Variants in SCTR observed in about 807,000 individuals in gnomAD.
SCTR encodes secretin receptor.
In SCTR, 56 loss-of-function variants were observed where a neutral mutation model predicts 60.8. The observed-to-expected ratio is 0.92, with a 90% CI of 0.74 to 1.15. The LOEUF (loss-of-function observed/expected upper bound fraction) is 1.15, where lower values mean the gene tolerates loss of function less well. Ranked by LOEUF, SCTR falls within the 50% of genes most tolerant of loss-of-function variation. SCTR has a pLI of 0.00. For synonymous variants in SCTR, 202 were observed against 217.0 expected, an observed-to-expected ratio of 0.93 and a Z score of 0.61; for missense variants, 562 against 550.4, an observed-to-expected ratio of 1.02 and a Z score of -0.21.
chr2:119,522,256 A>T (rs1196626969), intron 1 of SCTR, among the ~76,000 whole-genome samples: 1 of 152,100 alleles, frequency 6.6e-6, no homozygotes, highest in African/African-American at 2.4e-5. Context: ...AGATCGCGCC[A>T]CTGCGCTCCA....
chr2:119,503,727 C>T (rs1573914079), intron 1 of SCTR, among the ~76,000 whole-genome samples: 1 of 152,056 alleles, frequency 6.6e-6, no homozygotes, highest in Non-Finnish European at 1.5e-5. Flanking sequence ...ATAGCGGATA[C>T]ATGTCATTAT....
intron 6 of SCTR, among the ~76,000 whole-genome samples, chr2:119,462,275 G>T (rs1200891169): frequency 6.6e-6 from 1 of 152,202 alleles, no homozygotes; most frequent in Non-Finnish European, 1.5e-5. Context: ...AGCACTGGCT[G>T]CCAGGCTAGA....
chr2:119,470,455 A>G (rs931473639), intron 4 of SCTR, among the ~76,000 whole-genome samples: 31 of 152,158 alleles, frequency 2.0e-4, no homozygotes, highest in African/African-American at 7.5e-4. Context: ...AACCCTTCCA[A>G]TCTCAGAGCT....
chr2:119,494,207 T>C (rs1480807966), intron 2 of SCTR, among the ~76,000 whole-genome samples: 1 of 152,214 alleles, frequency 6.6e-6, no homozygotes, highest in African/African-American at 2.4e-5. Context: ...CTATGTTTAC[T>C]TGCCCAGAGA....
intron 2 of SCTR, among the ~76,000 whole-genome samples, chr2:119,482,600 G>A (rs754844493): frequency 3.9e-5 from 6 of 152,208 alleles, no homozygotes; most frequent in Non-Finnish European, 8.8e-5. Flanking sequence ...AGGAGGAGCC[G>A]GAGCTTCTCT....
intron 12 of SCTR, 60 bp downstream of exon 12, chr2:119,441,498 G>C: frequency 7.1e-7 from 1 of 1,406,856 alleles, no homozygotes; most frequent in African/African-American, 1.4e-5. Context: ...AGCTCCTTCT[G>C]ACCCGGAAAC....
intron 2 of SCTR, among the ~76,000 whole-genome samples, chr2:119,491,029 G>A (rs936754829): frequency 7.2e-5 from 11 of 152,060 alleles, no homozygotes; most frequent in East Asian, 1.9e-4. Flanking sequence ...TCCCTGTCTC[G>A]GTTCCCAGTC....
intron 1 of SCTR, among the ~76,000 whole-genome samples, chr2:119,498,682 G>A (rs2587674): frequency 0.86 from 130,351 of 152,036 alleles, 55,971 homozygotes; most frequent in African/African-American, 0.9. Context: ...AGTTATGTAT[G>A]TATAATGGAA....
At chr2:119,520,807 A>C (rs780970304) in intron 1 of SCTR, among the ~76,000 whole-genome samples, 1 of 152,166 alleles carries the variant, frequency 6.6e-6, no homozygotes, top group African/African-American at 2.4e-5. Context: ...TCTGACTCAG[A>C]TGCCGTATCA....
intron 9 of SCTR, among the ~76,000 whole-genome samples, chr2:119,449,104 G>T (rs1683044269): frequency 6.6e-6 from 1 of 152,262 alleles, no homozygotes; most frequent in Non-Finnish European, 1.5e-5. Flanking sequence ...GGTTTGGGGT[G>T]GACCTGAGAT....
chr2:119,466,289 C>T (rs1300852707), intron 4 of SCTR, among the ~76,000 whole-genome samples: 3 of 152,104 alleles, frequency 2.0e-5, no homozygotes, highest in African/African-American at 7.2e-5. Flanking sequence ...TTACTTGCAC[C>T]ACCTATTGGT....
intron 4 of SCTR, among the ~76,000 whole-genome samples, chr2:119,468,080 G>A (rs1683912459): frequency 6.6e-6 from 1 of 152,104 alleles, no homozygotes; most frequent in South Asian, 2.1e-4. Context: ...TACATACAGA[G>A]AGACAAGATT....
chr2:119,491,446 A>C (rs1240069910), intron 2 of SCTR, among the ~76,000 whole-genome samples: 1 of 152,102 alleles, frequency 6.6e-6, no homozygotes, highest in African/African-American at 2.4e-5. Flanking sequence ...CTGATTAGAC[A>C]CTCAGGCAGA....
At position 119,466,309 on chromosome 2, in the gene SCTR, G is replaced by A. The variant is rs538009297; in HGVS notation, c.406-423C>T. 6.6e-5 allele frequency among the ~76,000 whole-genome samples: 10 copies of A among 152,258 alleles called. No individual in the cohort carries two copies. The East Asian group carries it at 1.5e-3, about 24-fold the overall frequency. Reference sequence around the variant, plus strand: ...TGCACCACCTATTGGTCCATTTTCTGTCTTCTGGATCCACTTAAAATGGAT... The same window carrying A: ...TGCACCACCTATTGGTCCATTTTCTATCTTCTGGATCCACTTAAAATGGAT... On this transcript the variant is annotated intron_variant, in intron 4 of 12. Coordinates refer to ENST00000019103, the MANE Select transcript of SCTR (RefSeq NM_002980.3).
intron 1 of SCTR, among the ~76,000 whole-genome samples, chr2:119,500,709 T>C (rs1160262255): frequency 6.6e-6 from 1 of 152,176 alleles, no homozygotes; most frequent in Non-Finnish European, 1.5e-5. Context: ...GATGGGTGGT[T>C]ACCAGAGGCT....
At chr2:119,473,330 A>T in intron 4 of SCTR, 123 bp downstream of exon 4, 1 of 665,458 alleles carries the variant, frequency 1.5e-6, no homozygotes. Context: ...GGTAGCCCTT[A>T]CATCCTGACC....
In SCTR at chr2:119,439,970, C is replaced by T. The variant is rs375923782; in HGVS notation, c.*147G>A. ...TGCCCCACAGTGCCTCACATCCCTT[C>T]GGAAGAGTCCAAGGCCTGGGGAGGG... is the stretch of plus-strand genomic sequence containing the variant. On this transcript the variant is annotated 3_prime_UTR_variant, in exon 13 of 13. Coordinates refer to ENST00000019103, the MANE Select transcript of SCTR (RefSeq NM_002980.3). 7 of 808,790 alleles carry T rather than the reference C, an allele frequency of 8.7e-6. No homozygotes were observed. Among genetic ancestry groups the T allele is most frequent in the African/African-American group, 3.4e-5 (2 of 58,094 alleles). The allele number at this position is 808,790 out of a possible 1,614,324, so 50.1% of individuals were successfully genotyped here.
intron 1 of SCTR, among the ~76,000 whole-genome samples, chr2:119,520,247 T>C (rs560366801): frequency 1.3e-5 from 2 of 152,094 alleles, no homozygotes; most frequent in African/African-American, 4.8e-5. Context: ...ATACCCATAA[T>C]CCCAACACTT....
At chr2:119,498,087 T>G (rs1678416246) in intron 1 of SCTR, among the ~76,000 whole-genome samples, 2 of 152,146 alleles carry the variant, frequency 1.3e-5, no homozygotes, top group South Asian at 4.1e-4. Flanking sequence ...AGGCACATTA[T>G]TTTTGAAAAC....
Sources: gnomAD v4.1 joint callset for allele counts (sites outside exome capture counted in the v4.1 genomes callset) on GRCh38, gnomAD v4.1.1 for gene constraint, MANE v1.5 for transcripts, NCBI Gene and HGNC (gene_info 2026-07-23, HGNC 2026-07-21) for gene names.